ELMO1: variants seen among roughly 807,000 people sequenced by gnomAD.
ELMO1 encodes the protein engulfment and cell motility protein 1.
A neutral mutation model predicts 98.9 loss-of-function variants in ELMO1; 26 were observed. The ratio of observed to expected loss-of-function variants is 0.26; its 90% CI spans 0.19 to 0.36. ELMO1 has a LOEUF of 0.36. ELMO1 is among the 10% of genes least tolerant of loss of function. ELMO1 has a pLI of 1.00. For synonymous variants in ELMO1, 346 were observed against 346.0 expected, an observed-to-expected ratio of 1.00 and a Z score of 0.00; for missense variants, 627 against 935.2, an observed-to-expected ratio of 0.67 and a Z score of 4.30.
chr7:36,953,690 A>G (rs73688408), intron 16 of ELMO1, among the ~76,000 whole-genome samples: 330 of 152,266 alleles, frequency 2.2e-3, no homozygotes, highest in African/African-American at 7.1e-3. Context: ...CTGTTCCCCT[A>G]CTGTTGAACA....
At chr7:36,905,208 T>C (rs1562812510) in intron 16 of ELMO1, among the ~76,000 whole-genome samples, 1 of 152,230 alleles carries the variant, frequency 6.6e-6, no homozygotes, top group Non-Finnish European at 1.5e-5. Context: ...TGTTGGTTTT[T>C]CTAATGCCTG....
intron 16 of ELMO1, among the ~76,000 whole-genome samples, chr7:37,005,736 A>G (rs993788758): frequency 2.0e-5 from 3 of 150,526 alleles, no homozygotes; most frequent in Admixed American, 6.6e-5. Flanking sequence ...TACTAAGTTA[A>G]TCACTAAACT....
chr7:36,863,969 G>A (rs1445066039), intron 20 of ELMO1, among the ~76,000 whole-genome samples: 3 of 152,162 alleles, frequency 2.0e-5, no homozygotes, highest in Non-Finnish European at 4.4e-5. Context: ...AGAGATTGAA[G>A]AAAGAAAAAG....
At chr7:36,913,305 T>A (rs937141193) in intron 16 of ELMO1, among the ~76,000 whole-genome samples, 1 of 152,158 alleles carries the variant, frequency 6.6e-6, no homozygotes. Flanking sequence ...TGAAAGGCTA[T>A]TGTATTAGAG....
chr7:37,170,552 A>G (rs1279344288), intron 13 of ELMO1, among the ~76,000 whole-genome samples: 3 of 139,716 alleles, frequency 2.1e-5, no homozygotes, highest in Non-Finnish European at 4.7e-5. Context: ...GAACTAACTT[A>G]CTCTTTTATT....
At chr7:36,959,625 G>A (rs1437309507) in intron 16 of ELMO1, among the ~76,000 whole-genome samples, 2 of 152,180 alleles carry the variant, frequency 1.3e-5, no homozygotes, top group African/African-American at 2.4e-5. Flanking sequence ...TCCTCCAGAA[G>A]CAATGCAATT....
chr7:37,211,009 A>G (rs1204367068), intron 13 of ELMO1: 1 of 171,318 alleles, frequency 5.8e-6, no homozygotes, highest in Non-Finnish European at 1.3e-5. Context: ...TATAAAATTG[A>G]TGTATGTAAG....
intron 1 of ELMO1, among the ~76,000 whole-genome samples, chr7:37,424,494 C>T (rs1317244696): frequency 2.0e-5 from 3 of 152,074 alleles, no homozygotes; most frequent in African/African-American, 4.8e-5. Context: ...GAGTCCTATC[C>T]GTTTTATTCC....
In ELMO1 at chr7:37,224,884, C is replaced by A; in HGVS notation, c.696G>T (p.Leu232=). ...GAGCATCTTGGCATGCTTACCCTTG[C>A]AGGTGTGGAATGAGCTGGCCGATGG... The part of the protein sequence containing the change: ...EITIGQLIPH[L]QGSDQEIQTY... Residue 232 remains leucine, a synonymous_variant, in exon 9 of 22, where the codon CTG becomes CTT. Coordinates refer to ENST00000310758, the MANE Select transcript of ELMO1 (RefSeq NM_014800.11). The A allele has an allele frequency of 6.2e-7, 1 of 1,613,798 alleles. No individual in the cohort carries two copies. The highest frequency in any genetic ancestry group is 8.5e-7 in the Non-Finnish European group (1 of 1,179,818).
chr7:37,275,948 G>A (rs1796807209), intron 4 of ELMO1, among the ~76,000 whole-genome samples: 1 of 152,160 alleles, frequency 6.6e-6, no homozygotes, highest in Admixed American at 6.5e-5. Context: ...GGCCTAACTT[G>A]GGATGTAAAC....
intron 1 of ELMO1, among the ~76,000 whole-genome samples, chr7:37,438,738 A>G (rs1334791315): frequency 1.3e-5 from 2 of 152,222 alleles, no homozygotes; most frequent in Non-Finnish European, 2.9e-5. Flanking sequence ...GGGGACTTAT[A>G]TTACCTACAC....
At chr7:36,997,395 G>T (rs1363795029) in intron 16 of ELMO1, among the ~76,000 whole-genome samples, 1 of 152,174 alleles carries the variant, frequency 6.6e-6, no homozygotes, top group Non-Finnish European at 1.5e-5. Flanking sequence ...AGAGACTGGG[G>T]CTGAGATAAT....
At chr7:37,169,590 A>C (rs1219999109) in intron 13 of ELMO1, among the ~76,000 whole-genome samples, 1 of 152,240 alleles carries the variant, frequency 6.6e-6, no homozygotes, top group Non-Finnish European at 1.5e-5. Flanking sequence ...GAGCATTCTA[A>C]CGAAGGGGAT....
chr7:36,996,059 A>C (rs947821154), intron 16 of ELMO1, among the ~76,000 whole-genome samples: 2 of 152,250 alleles, frequency 1.3e-5, no homozygotes, highest in African/African-American at 4.8e-5. Context: ...TTCCAGCATG[A>C]AAAATCAATT....
At chr7:37,347,974 C>A (rs1434603917) in intron 1 of ELMO1, among the ~76,000 whole-genome samples, 1 of 152,174 alleles carries the variant, frequency 6.6e-6, no homozygotes, top group Non-Finnish European at 1.5e-5. Context: ...ATGCTTCCCC[C>A]AGCATAACTC....
At chr7:37,064,843 T>C (rs1796870465) in intron 15 of ELMO1, among the ~76,000 whole-genome samples, 1 of 152,162 alleles carries the variant, frequency 6.6e-6, no homozygotes, top group Non-Finnish European at 1.5e-5. Context: ...TATTCAGATA[T>C]GCTCAGCAGT....
intron 14 of ELMO1, among the ~76,000 whole-genome samples, chr7:37,110,276 G>A (rs1785177833): frequency 6.6e-6 from 1 of 152,098 alleles, no homozygotes; most frequent in African/African-American, 2.4e-5. Context: ...AGGCGAAGAG[G>A]CCCAGCTGCC....
At chr7:36,984,936 T>A (rs896671190) in intron 16 of ELMO1, 1 of 985,432 alleles carries the variant, frequency 1.0e-6, no homozygotes, top group Non-Finnish European at 1.2e-6. Flanking sequence ...CCGTTCAGAA[T>A]GATTATAACT....
intron 16 of ELMO1, among the ~76,000 whole-genome samples, chr7:36,993,307 G>C (rs140350644): frequency 1.3e-5 from 2 of 152,276 alleles, no homozygotes; most frequent in African/African-American, 4.8e-5. Context: ...TTTGGATCTT[G>C]GTAGTAAGTT....
Sources: allele counts gnomAD v4.1 joint callset (sites outside exome capture counted in the v4.1 genomes callset), GRCh38; gene constraint gnomAD v4.1.1; transcripts MANE v1.5; gene names NCBI Gene and HGNC (gene_info 2026-07-23, HGNC 2026-07-21).